The following SLC36A1 variants were observed in gnomAD, a reference collection of about 807,000 sequenced individuals.
SLC36A1 encodes solute carrier family 36 member 1.
SLC36A1 carries 30 observed loss-of-function variants against 47.5 expected under a neutral mutation model. The ratio of observed to expected loss-of-function variants is 0.63; its 90% CI spans 0.47 to 0.86. SLC36A1 has a LOEUF of 0.86. Among genes scored for constraint, SLC36A1 ranks in the 40% least tolerant of loss-of-function variants. The pLI is 0.00. For missense variants in SLC36A1, 517 were observed against 606.0 expected, an observed-to-expected ratio of 0.85 and a Z score of 1.54; for synonymous variants, 255 against 249.7, an observed-to-expected ratio of 1.02 and a Z score of -0.20.
the SLC36A1 span, among the ~76,000 whole-genome samples, chr5:151,519,160 G>A: frequency 6.6e-5 from 10 of 152,074 alleles, no homozygotes; most frequent in Non-Finnish European, 1.0e-4. Flanking sequence ...CCTGGTCAAC[G>A]TGGTGAAACC....
upstream of SLC36A1, among the ~76,000 whole-genome samples, chr5:151,447,360 A>C (rs545940748): frequency 2.0e-5 from 3 of 152,376 alleles, no homozygotes; most frequent in African/African-American, 7.2e-5. Flanking sequence ...ATATTTCACA[A>C]ACCCACAACT....
At chr5:151,503,151 G>T in the SLC36A1 span, among the ~76,000 whole-genome samples, 2 of 147,858 alleles carry the variant, frequency 1.4e-5, no homozygotes, top group Non-Finnish European at 2.9e-5. Context: ...TGTAATGCTG[G>T]ATACATATTA....
At chr5:151,543,836 T>C in the SLC36A1 span, 3 of 1,614,078 alleles carry the variant, frequency 1.9e-6, no homozygotes, top group Non-Finnish European at 2.5e-6. Context: ...CCCGATGAGC[T>C]GTTAATGAAG....
At chr5:151,496,162 A>T (rs1055966327), downstream of SLC36A1, among the ~76,000 whole-genome samples, 1 of 152,046 alleles carries the variant, frequency 6.6e-6, no homozygotes, top group African/African-American at 2.4e-5. Flanking sequence ...TGTTCTCGTG[A>T]TGGTGAATAA....
At chr5:151,351,070 G>GT in the SLC36A1 span, among the ~76,000 whole-genome samples, 1 of 152,166 alleles carries the variant, frequency 6.6e-6, no homozygotes, top group East Asian at 1.9e-4. Context: ...TTAGGCAGGC[G>GT]TGAGGATTAC....
At chr5:151,532,087 C>G in the SLC36A1 span, 1 of 1,376,598 alleles carries the variant, frequency 7.3e-7, no homozygotes, top group African/African-American at 1.4e-5. Flanking sequence ...GGCGGACAAG[C>G]TGGCTTGGGT....
chr5:151,378,618 T>C, the SLC36A1 span: 1 of 174,946 alleles, frequency 5.7e-6, no homozygotes, highest in African/African-American at 2.3e-5. Context: ...GCTGGCCTGG[T>C]TCATCATGAA....
chr5:151,362,224 T>G, the SLC36A1 span, among the ~76,000 whole-genome samples: 8,986 of 152,192 alleles, frequency 0.059, 832 homozygotes, highest in African/African-American at 0.2. Flanking sequence ...TGAGATAATT[T>G]TTTAATATCT....
At chr5:151,520,215 G>A in the SLC36A1 span, among the ~76,000 whole-genome samples, 25 of 152,376 alleles carry the variant, frequency 1.6e-4, no homozygotes, top group Non-Finnish European at 2.5e-4. Flanking sequence ...AGGCAGGAGC[G>A]CTGGTGAGCT....
chr5:151,487,294 G>T (rs1360796281), intron 10 of SLC36A1, among the ~76,000 whole-genome samples: 1 of 152,214 alleles, frequency 6.6e-6, no homozygotes, highest in Non-Finnish European at 1.5e-5. Context: ...CACGGAAGCC[G>T]ATGGCACCTC....
chr5:151,487,623 C>T (rs1281154687), intron 10 of SLC36A1, among the ~76,000 whole-genome samples: 2 of 152,128 alleles, frequency 1.3e-5, no homozygotes, highest in African/African-American at 4.8e-5. Flanking sequence ...GAACGTCCAC[C>T]TCCTTTTCTT....
At chr5:151,416,211 C>A in the SLC36A1 span, among the ~76,000 whole-genome samples, 2 of 152,202 alleles carry the variant, frequency 1.3e-5, no homozygotes, top group Non-Finnish European at 2.9e-5. Context: ...CAGAAACCAT[C>A]TCAGGCATCC....
At chr5:151,551,301 C>A in the SLC36A1 span, among the ~76,000 whole-genome samples, 2 of 152,178 alleles carry the variant, frequency 1.3e-5, no homozygotes, top group African/African-American at 4.8e-5. Context: ...AGAAAGAATT[C>A]TCCCAGGATC....
intron 6 of SLC36A1, 22 bp downstream of exon 6, chr5:151,467,305 A>G (rs1756561449): frequency 7.3e-6 from 6 of 822,310 alleles, no homozygotes; most frequent in Non-Finnish European, 9.9e-6. Context: ...GTTAAAAAAG[A>G]AAAAAAAAAA....
At chr5:151,374,314 C>T in the SLC36A1 span, among the ~76,000 whole-genome samples, 977 of 152,280 alleles carry the variant, frequency 6.4e-3, 33 homozygotes, top group East Asian at 0.099. Context: ...GGCCTCAGGC[C>T]GCCTGCACCC....
At chr5:151,354,732 C>T in the SLC36A1 span, among the ~76,000 whole-genome samples, 1 of 152,134 alleles carries the variant, frequency 6.6e-6, no homozygotes, top group Non-Finnish European at 1.5e-5. Flanking sequence ...CAGGAATAGT[C>T]TTGGCACTAA....
chr5:151,522,227 G>GAAAA, the SLC36A1 span: 1 of 537,690 alleles, frequency 1.9e-6, no homozygotes, highest in South Asian at 3.6e-5. Flanking sequence ...GTTGCATTTA[G>GAAAA]AAAAAAAAAA....
the SLC36A1 span, among the ~76,000 whole-genome samples, chr5:151,370,737 A>C: frequency 4.4e-3 from 674 of 152,308 alleles, 3 homozygotes; most frequent in Middle Eastern, 0.017. Context: ...TCACGCCTGT[A>C]ATCCCAGCAC....
the SLC36A1 span, among the ~76,000 whole-genome samples, chr5:151,508,229 C>G: frequency 6.6e-6 from 1 of 152,218 alleles, no homozygotes; most frequent in African/African-American, 2.4e-5. Context: ...GAGTCCAAAA[C>G]ATTTCTCAGT....
Sources: gnomAD v4.1 joint callset for allele counts (sites outside exome capture counted in the v4.1 genomes callset) on GRCh38, gnomAD v4.1.1 for gene constraint, MANE v1.5 for transcripts, NCBI Gene and HGNC (gene_info 2026-07-23, HGNC 2026-07-21) for gene names.